The following MGAT4C variants were observed in gnomAD, a reference collection of about 807,000 sequenced individuals.
MGAT4C encodes the protein alpha-1,3-mannosyl-glycoprotein 4-beta-N-acetylglucosaminyltransferase C.
A neutral mutation model predicts 40.1 loss-of-function variants in MGAT4C; 19 were observed. That is an observed-to-expected ratio of 0.47 (90% CI 0.33 to 0.70). MGAT4C has a LOEUF of 0.70. Among genes scored for constraint, MGAT4C ranks in the 30% least tolerant of loss-of-function variants. The pLI is 0.02. For synonymous variants in MGAT4C, 181 were observed against 187.1 expected (o/e 0.97, Z 0.27); for missense variants, 491 against 563.2 (o/e 0.87, Z 1.30).
chr12:86,587,188 A>G (rs1961086427), intron 2 of MGAT4C, among the ~76,000 whole-genome samples: 1 of 151,850 alleles, frequency 6.6e-6, no homozygotes, highest in African/African-American at 2.4e-5. Flanking sequence ...CAGTTTTCCC[A>G]GCACCATTTA....
At chr12:86,407,370 T>C (rs1266844436) in intron 3 of MGAT4C, among the ~76,000 whole-genome samples, 1 of 152,062 alleles carries the variant, frequency 6.6e-6, no homozygotes, top group Non-Finnish European at 1.5e-5. Flanking sequence ...GAGAATGCAA[T>C]AGAAGATTAT....
At chr12:86,079,020 C>G (rs12301701) in intron 1 of MGAT4C, among the ~76,000 whole-genome samples, 26 of 151,922 alleles carry the variant, frequency 1.7e-4, no homozygotes, top group African/African-American at 6.0e-4. Context: ...TAGACCTAGA[C>G]GAGAACAGAG....
intron 2 of MGAT4C, among the ~76,000 whole-genome samples, chr12:86,661,088 G>T (rs1464528945): frequency 6.6e-6 from 1 of 151,934 alleles, no homozygotes; most frequent in African/African-American, 2.4e-5. Context: ...AAAGTTTATG[G>T]GTAAGAAGAC....
chr12:86,263,615 A>AATAGTGCTACTTTGCT (rs1952713651), intron 4 of MGAT4C, among the ~76,000 whole-genome samples: 2 of 152,174 alleles, frequency 1.3e-5, no homozygotes, highest in African/African-American at 4.8e-5. Context: ...TTGCTACTAT[A>AATAGTGCTACTTTGCT]AATAGTGCTG....
intron 2 of MGAT4C, among the ~76,000 whole-genome samples, chr12:86,542,692 AG>A (rs1959174410): frequency 6.6e-6 from 1 of 152,230 alleles, no homozygotes; most frequent in African/African-American, 2.4e-5. Flanking sequence ...ATGCTAAATA[AG>A]CATGGAATTA....
chr12:86,534,844 T>C (rs2136377258), intron 2 of MGAT4C, among the ~76,000 whole-genome samples: 1 of 152,260 alleles, frequency 6.6e-6, no homozygotes, highest in South Asian at 2.1e-4. Context: ...CTCTGGGTTT[T>C]GTATGCTGCT....
intron 2 of MGAT4C, among the ~76,000 whole-genome samples, chr12:86,702,110 C>T (rs1357413832): frequency 6.6e-6 from 1 of 152,088 alleles, no homozygotes; most frequent in Non-Finnish European, 1.5e-5. Flanking sequence ...CAGCCTCAAC[C>T]CCCTGGGCTT....
Position 85,973,946 on chromosome 12 carries a change from C to T in MGAT4C, c.*5343G>A, listed in dbSNP as rs1277744066. The T allele has an allele frequency of 6.6e-6, 1 of 150,850 alleles. No homozygotes were observed. The highest frequency in any genetic ancestry group is 2.4e-5 in the African/African-American group (1 of 41,308). 9.3% of individuals were successfully genotyped at this position (150,850 alleles called of 1,614,324 possible). Reference sequence around the variant, plus strand: ...TCAGAAAATATTGGGATTATTGAAGCAAATTCTACCCTGGACTTGGAGTAA... The same window carrying T: ...TCAGAAAATATTGGGATTATTGAAGTAAATTCTACCCTGGACTTGGAGTAA... On this transcript the variant is annotated 3_prime_UTR_variant, in exon 5 of 5. Coordinates refer to ENST00000611864, the MANE Select transcript of MGAT4C (RefSeq NM_001351288.2).
At chr12:86,498,103 G>A (rs945172556) in intron 2 of MGAT4C, among the ~76,000 whole-genome samples, 28 of 150,218 alleles carry the variant, frequency 1.9e-4, no homozygotes, top group East Asian at 1.6e-3. Context: ...TATTTTGGTC[G>A]TAAGCACATA....
At chr12:86,386,804 T>C (rs950663899) in intron 3 of MGAT4C, among the ~76,000 whole-genome samples, 1 of 152,196 alleles carries the variant, frequency 6.6e-6, no homozygotes, top group African/African-American at 2.4e-5. Flanking sequence ...ATTTCATTTT[T>C]ATATATACAA....
At chr12:86,579,508 C>G (rs538457335) in intron 2 of MGAT4C, among the ~76,000 whole-genome samples, 52 of 151,576 alleles carry the variant, frequency 3.4e-4, no homozygotes, top group Non-Finnish European at 5.9e-4. Context: ...GTACTGAGTG[C>G]GTCTTGAAAA....
chr12:86,606,242 C>T (rs868856808), intron 2 of MGAT4C, among the ~76,000 whole-genome samples: 7 of 151,924 alleles, frequency 4.6e-5, no homozygotes, highest in Non-Finnish European at 7.4e-5. Flanking sequence ...AAAGCTTAAC[C>T]GTATCAGCAA....
chr12:86,168,850 T>C lies in MGAT4C; in HGVS notation c.-57+87389A>G, dbSNP rs73380898. The stretch of plus-strand genomic sequence containing the variant: ...TTGCTTCAGAAAACAAAAGAGTCTT[T>C]TCTTTTGCTGTAGTCCAGGTCCCGT... On this transcript the variant is annotated intron_variant, in intron 1 of 4. Coordinates refer to ENST00000611864, the MANE Select transcript of MGAT4C (RefSeq NM_001351288.2). Among the ~76,000 whole-genome samples, 502 of 152,266 alleles carry C rather than the reference T, an allele frequency of 3.3e-3. 2 individuals are homozygous for C. Among genetic ancestry groups the C allele is most frequent in the African/African-American group, 0.012 (490 of 41,562 alleles).
chr12:86,603,468 CTA>C (rs1236191364), intron 2 of MGAT4C, among the ~76,000 whole-genome samples: 1 of 117,852 alleles, frequency 8.5e-6, no homozygotes, highest in Non-Finnish European at 1.6e-5. Flanking sequence ...ATAATATATA[CTA>C]TATATAGTCT....
chr12:86,013,017 CT>C (rs944921283), intron 2 of MGAT4C, among the ~76,000 whole-genome samples: 3 of 151,868 alleles, frequency 2.0e-5, no homozygotes, highest in Admixed American at 1.3e-4. Context: ...GTCCTAGCTA[CT>C]TGGAAGACTG....
intron 3 of MGAT4C, among the ~76,000 whole-genome samples, chr12:86,398,327 T>C (rs1470704589): frequency 6.6e-6 from 1 of 152,116 alleles, no homozygotes; most frequent in East Asian, 1.9e-4. Context: ...ACACTGCATA[T>C]AGAACCGACC....
At chr12:86,212,659 C>A (rs1327212355) in intron 1 of MGAT4C, among the ~76,000 whole-genome samples, 20 of 147,684 alleles carry the variant, frequency 1.4e-4, no homozygotes, top group Non-Finnish European at 2.2e-4. Context: ...GAGGCCGAGG[C>A]GGGCGGATCA....
intron 4 of MGAT4C, among the ~76,000 whole-genome samples, chr12:86,326,617 T>G (rs1954534688): frequency 6.6e-6 from 1 of 152,110 alleles, no homozygotes; most frequent in Non-Finnish European, 1.5e-5. Context: ...AGATTCTAAA[T>G]ACATGTGGAT....
chr12:86,282,136 A>G (rs1341642488), intron 4 of MGAT4C, among the ~76,000 whole-genome samples: 5 of 152,110 alleles, frequency 3.3e-5, no homozygotes, highest in Non-Finnish European at 5.9e-5. Flanking sequence ...TCAAATTGCA[A>G]AAAGATGTTT....
Sources: gnomAD v4.1 joint callset for allele counts (sites outside exome capture counted in the v4.1 genomes callset) on GRCh38, gnomAD v4.1.1 for gene constraint, MANE v1.5 for transcripts, NCBI Gene and HGNC (gene_info 2026-07-23, HGNC 2026-07-21) for gene names.